USP4: variants seen among roughly 807,000 people sequenced by gnomAD.
The protein encoded by USP4 is ubiquitin carboxyl-terminal hydrolase 4.
In USP4, 72 loss-of-function variants were observed where a neutral mutation model predicts 118.2. That is an observed-to-expected ratio of 0.61 (90% confidence interval 0.50 to 0.74). The LOEUF is 0.74. Ranked by LOEUF, USP4 falls within the 30% of genes least tolerant of loss-of-function variation. USP4 has a pLI of 0.00. For synonymous variants in USP4, 415 were observed against 440.4 expected (o/e 0.94, Z 0.72); for missense variants, 1,037 against 1,185.7 (o/e 0.87, Z 1.84).
chr3:49,318,528 A>G (rs954259894), intron 6 of USP4: 1 of 985,342 alleles, frequency 1.0e-6, no homozygotes, highest in African/African-American at 1.7e-5. Flanking sequence ...ATATTAAGTT[A>G]GCTGGAGCAA....
intron 20 of USP4, among the ~76,000 whole-genome samples, chr3:49,279,409 C>G (rs1454373875): frequency 6.6e-6 from 1 of 151,730 alleles, no homozygotes; most frequent in African/African-American, 2.4e-5. Context: ...GTTTGCAGAG[C>G]TGGGATGTGA....
At chr3:49,324,410 C>T (rs1232321167) in intron 6 of USP4, among the ~76,000 whole-genome samples, 1 of 152,206 alleles carries the variant, frequency 6.6e-6, no homozygotes, top group African/African-American at 2.4e-5. Flanking sequence ...AACAAAGCAA[C>T]CTCCTGGTAG....
intron 10 of USP4, among the ~76,000 whole-genome samples, chr3:49,301,007 T>C (rs992149673): frequency 2.0e-5 from 3 of 152,160 alleles, no homozygotes; most frequent in African/African-American, 4.8e-5. Context: ...GGCGTGATCA[T>C]GGTTCACTAC....
At chr3:49,278,556 C>T (rs928062749) in intron 21 of USP4, 105 bp from the exon 22 acceptor site, 5 of 1,380,282 alleles carry the variant, frequency 3.6e-6, no homozygotes, top group Non-Finnish European at 5.0e-6. Flanking sequence ...GCCATATCCA[C>T]ACAGAGGAGA....
intron 2 of USP4, among the ~76,000 whole-genome samples, chr3:49,328,253 G>A (rs538120988): frequency 5.9e-5 from 9 of 151,996 alleles, no homozygotes; most frequent in Non-Finnish European, 7.4e-5. Context: ...AGCTACTCGG[G>A]AGGCTGAGGC....
chr3:49,283,221 G>A (rs142903108), intron 19 of USP4, among the ~76,000 whole-genome samples: 1,510 of 150,068 alleles, frequency 0.01, 12 homozygotes, highest in African/African-American at 0.017. Flanking sequence ...TCACCATGTT[G>A]GCCAGGATGG....
chr3:49,286,438 G>A, intron 15 of USP4, 113 bp from the exon 16 acceptor site: 1 of 1,071,350 alleles, frequency 9.3e-7, no homozygotes, highest in Non-Finnish European at 1.3e-6. Context: ...CTGTGTATAT[G>A]AAGTTAAATC....
chr3:49,308,072 G>T (rs2047338196), intron 8 of USP4, among the ~76,000 whole-genome samples: 1 of 152,086 alleles, frequency 6.6e-6, no homozygotes, highest in African/African-American at 2.4e-5. Context: ...CTTCTGGGAG[G>T]TAATCTATTT....
At chr3:49,331,193 G>A (rs2047614050) in intron 2 of USP4, among the ~76,000 whole-genome samples, 2 of 151,804 alleles carry the variant, frequency 1.3e-5, no homozygotes, top group Non-Finnish European at 2.9e-5. Context: ...GGTGGCGCAC[G>A]CCTATAATCC....
intron 15 of USP4, among the ~76,000 whole-genome samples, chr3:49,289,645 T>C (rs2047131659): frequency 6.6e-6 from 1 of 152,038 alleles, no homozygotes; most frequent in Non-Finnish European, 1.5e-5. Context: ...CCGAGGTGTA[T>C]GGATCACCTG....
At chr3:49,311,688 T>G in intron 6 of USP4, 34 bp from the exon 7 acceptor site, 1 of 1,610,636 alleles carries the variant, frequency 6.2e-7, no homozygotes, top group Non-Finnish European at 8.5e-7. Context: ...TGCTACTGAC[T>G]TTTTGCAAAG....
At chr3:49,305,666 G>T in intron 9 of USP4, 49 bp downstream of exon 9, 1 of 1,416,678 alleles carries the variant, frequency 7.1e-7, no homozygotes, top group Non-Finnish European at 9.3e-7. Context: ...CTGGTCCCAG[G>T]CATCTATATA....
intron 15 of USP4, among the ~76,000 whole-genome samples, chr3:49,290,280 G>A (rs1266204655): frequency 6.6e-6 from 1 of 152,136 alleles, no homozygotes; most frequent in African/African-American, 2.4e-5. Context: ...CAAGTGTGGT[G>A]GCGCACACCT....
At chr3:49,315,615 T>C (rs2047426991) in intron 6 of USP4, among the ~76,000 whole-genome samples, 1 of 152,096 alleles carries the variant, frequency 6.6e-6, no homozygotes. Context: ...ACACTATGCC[T>C]CCAAACAAGG....
At chr3:49,286,689 C>T (rs182110603) in intron 15 of USP4, among the ~76,000 whole-genome samples, 258 of 152,214 alleles carry the variant, frequency 1.7e-3, no homozygotes, top group Non-Finnish European at 2.4e-3. Context: ...TTAAATGAAA[C>T]GCACACTCAA....
intron 10 of USP4, 136 bp downstream of exon 10, chr3:49,302,248 A>T: frequency 1.1e-6 from 1 of 898,774 alleles, no homozygotes; most frequent in Non-Finnish European, 1.6e-6. Context: ...CAGAGACCAT[A>T]TCCCTATAAC....
chr3:49,306,079 A>T (rs2047312628), intron 8 of USP4, among the ~76,000 whole-genome samples, 191 bp from the exon 9 acceptor site: 1 of 152,134 alleles, frequency 6.6e-6, no homozygotes, highest in Non-Finnish European at 1.5e-5. Context: ...CCTTGCAGCT[A>T]ATCTCGGAGG....
chr3:49,325,783 C>G lies in USP4; in HGVS notation c.423G>C (p.Lys141Asn). ...CKVEVYLLELKLCENSDPTNV... is the reference protein window; with the variant it reads ...CKVEVYLLELNLCENSDPTNV... The stretch of plus-strand genomic sequence containing the variant: ...TGGTGGGGTCACTGTTCTCACAGAG[C>G]TTCAGTTCCAGCAAATACACCTCGA... Residue 141 changes from lysine (K) to asparagine (N), a missense_variant, in exon 4 of 22, where the codon AAG becomes AAC. This residue lies in a region of USP4 where 487 missense variants were observed against 534.1 expected (regional missense o/e 0.91). Transcript: ENST00000265560. 1 of 1,614,030 alleles carries G rather than the reference C, an allele frequency of 6.2e-7. No individual in the cohort carries two copies. Among genetic ancestry groups the G allele is most frequent in the Non-Finnish European group, 8.5e-7 (1 of 1,179,964 alleles).
At position 49,305,769 on chromosome 3, in the gene USP4, G is replaced by T. The variant is rs371144680; in HGVS notation, c.1074C>A (p.Leu358=). The change falls in exon 9 of 22, where the codon CTC becomes CTA. Residue 358 remains leucine, a synonymous_variant. Coordinates refer to ENST00000265560, the MANE Select transcript of USP4 (RefSeq NM_003363.4). ...KGEIAEAYAE[L]IKQMWSGRDA... Reference sequence around the variant, plus strand: ...CCCTTCCAGACCACATCTGCTTAATGAGTTCAGCATAGGCTTCTGCAATTT... The same window carrying T: ...CCCTTCCAGACCACATCTGCTTAATTAGTTCAGCATAGGCTTCTGCAATTT... 2.6e-5 allele frequency: 42 copies of T among 1,613,464 alleles called. No individual in the cohort carries two copies. Among genetic ancestry groups the T allele is most frequent in the Non-Finnish European group, 2.0e-5 (24 of 1,179,800 alleles).
Sources: gnomAD v4.1 joint callset for allele counts (sites outside exome capture counted in the v4.1 genomes callset) on GRCh38, gnomAD v4.1.1 for gene constraint, gnomAD v4.1.1 regional missense constraint, MANE v1.5 for transcripts, NCBI Gene and HGNC (gene_info 2026-07-23, HGNC 2026-07-21) for gene names.